SLC9D1: variants seen among roughly 807,000 people sequenced by gnomAD.
The protein encoded by SLC9D1 is solute carrier family 9 member D1.
chr13:113,518,229 G>T, the SLC9D1 span, among the ~76,000 whole-genome samples: 1 of 152,120 alleles, frequency 6.6e-6, no homozygotes, highest in Non-Finnish European at 1.5e-5. Flanking sequence ...TTTTGTGCCC[G>T]TCACTACTCC....
At chr13:113,548,583 G>T in the SLC9D1 span, 131 of 958,468 alleles carry the variant, frequency 1.4e-4, 1 homozygote, top group South Asian at 2.2e-3. Flanking sequence ...AGGGGGGCAC[G>T]CAGAGGCCTG....
chr13:113,495,474 A>T, the SLC9D1 span: 1 of 751,674 alleles, frequency 1.3e-6, no homozygotes, highest in Non-Finnish European at 2.2e-6. Flanking sequence ...TCATTGTTTA[A>T]CTATGTGTGA....
chr13:113,544,464 C>T, the SLC9D1 span, among the ~76,000 whole-genome samples: 3 of 152,358 alleles, frequency 2.0e-5, no homozygotes, highest in East Asian at 1.9e-4. Context: ...TCGCCAGCTG[C>T]GGCCCAAGGC....
At chr13:113,518,500 C>A in the SLC9D1 span, among the ~76,000 whole-genome samples, 1 of 152,200 alleles carries the variant, frequency 6.6e-6, no homozygotes, top group Non-Finnish European at 1.5e-5. Flanking sequence ...CAAAGGCTAT[C>A]TCTAAAAAGT....
At chr13:113,502,404 G>A in the SLC9D1 span, among the ~76,000 whole-genome samples, 4 of 152,048 alleles carry the variant, frequency 2.6e-5, no homozygotes, top group Non-Finnish European at 5.9e-5. Flanking sequence ...TAGTAGAGAC[G>A]GGGTTTCACT....
chr13:113,505,491 TTAGG>T, the SLC9D1 span: 1 of 152,176 alleles, frequency 6.6e-6, no homozygotes, highest in Non-Finnish European at 1.5e-5. Context: ...CCATGGAGTG[TTAGG>T]TAGCCACTGC....
At chr13:113,536,084 TAA>T in the SLC9D1 span, among the ~76,000 whole-genome samples, 4 of 152,154 alleles carry the variant, frequency 2.6e-5, no homozygotes, top group Non-Finnish European at 5.9e-5. Context: ...TATCTCAAAA[TAA>T]AAAGTTTCCG....
At chr13:113,549,503 T>C in the SLC9D1 span, 1 of 1,613,960 alleles carries the variant, frequency 6.2e-7, no homozygotes, top group African/African-American at 1.3e-5. Flanking sequence ...AATCACGAGG[T>C]GTGTGCCCAG....
At chr13:113,524,565 G>A in the SLC9D1 span, among the ~76,000 whole-genome samples, 5,743 of 152,194 alleles carry the variant, frequency 0.038, 158 homozygotes, top group Non-Finnish European at 0.058. Flanking sequence ...CAAACTCCTG[G>A]CCTCAAGTGA....
At chr13:113,519,586 G>A in the SLC9D1 span, among the ~76,000 whole-genome samples, 4 of 152,124 alleles carry the variant, frequency 2.6e-5, no homozygotes, top group African/African-American at 4.8e-5. Flanking sequence ...TTCTGCCCTC[G>A]TGAGCCGGTG....
the SLC9D1 span, among the ~76,000 whole-genome samples, chr13:113,541,515 C>A: frequency 7.7e-6 from 1 of 129,360 alleles, no homozygotes; most frequent in Non-Finnish European, 1.6e-5. Flanking sequence ...GATACGCACA[C>A]GATTGCTGAT....
the SLC9D1 span, among the ~76,000 whole-genome samples, chr13:113,539,692 G>T: frequency 6.6e-6 from 1 of 152,170 alleles, no homozygotes; most frequent in Admixed American, 6.5e-5. This position sits in a 1 kb window ranked among gnomAD's most constrained non-coding sequence, Gnocchi z 4.8. Context: ...AGAGCGCAGA[G>T]AAATCTTATT....
chr13:113,541,131 T>TGTG, the SLC9D1 span, among the ~76,000 whole-genome samples: 2 of 152,172 alleles, frequency 1.3e-5, no homozygotes, highest in Non-Finnish European at 2.9e-5. Context: ...GAGTTTGGAG[T>TGTG]CAGGTGGCCT....
the SLC9D1 span, chr13:113,547,313 C>A: frequency 6.2e-7 from 1 of 1,614,070 alleles, no homozygotes; most frequent in Non-Finnish European, 8.5e-7. Flanking sequence ...TCCACGTGTT[C>A]CCCACGTTTG....
chr13:113,509,843 C>T, the SLC9D1 span, among the ~76,000 whole-genome samples: 3 of 152,288 alleles, frequency 2.0e-5, no homozygotes, highest in South Asian at 2.1e-4. Flanking sequence ...CTTCGAATGC[C>T]GAGCCACAGG....
chr13:113,492,294 C>A, the SLC9D1 span, among the ~76,000 whole-genome samples: 5 of 152,172 alleles, frequency 3.3e-5, no homozygotes, highest in African/African-American at 1.2e-4. Flanking sequence ...AACCACCGCA[C>A]CTGGTCTTAG....
chr13:113,524,936 T>G, the SLC9D1 span, among the ~76,000 whole-genome samples: 1 of 152,244 alleles, frequency 6.6e-6, no homozygotes, highest in Non-Finnish European at 1.5e-5. Flanking sequence ...TTTTGTCTCG[T>G]TACTCTTTTT....
chr13:113,494,279 G>T, the SLC9D1 span, among the ~76,000 whole-genome samples: 1 of 152,118 alleles, frequency 6.6e-6, no homozygotes, highest in African/African-American at 2.4e-5. Flanking sequence ...ACTTGTGACT[G>T]GTGATCTCCT....
the SLC9D1 span, chr13:113,528,237 T>A: frequency 1.3e-5 from 2 of 152,208 alleles, no homozygotes; most frequent in African/African-American, 4.8e-5. Flanking sequence ...GTGGTTCGTG[T>A]GTTTATTAGG....
Sources: allele counts gnomAD v4.1 joint callset (sites outside exome capture counted in the v4.1 genomes callset), GRCh38; gene constraint gnomAD v4.1.1; non-coding constraint Gnocchi (gnomAD v3.1); transcripts MANE v1.5; gene names NCBI Gene and HGNC (gene_info 2026-07-23, HGNC 2026-07-21).